Variants in CDH12 observed in about 807,000 individuals in gnomAD.
CDH12 encodes cadherin 12.
Under a neutral mutation model 74.1 loss-of-function variants are expected in CDH12, and 41 were observed. That is an observed-to-expected ratio of 0.55 (90% CI 0.43 to 0.72). The LOEUF (loss-of-function observed/expected upper bound fraction) is 0.72, where lower values mean the gene tolerates loss of function less well. Among genes scored for constraint, CDH12 ranks in the 30% least tolerant of loss-of-function variants. The pLI is 0.00. For missense variants in CDH12, 945 were observed against 977.2 expected, an observed-to-expected ratio of 0.97 and a Z score of 0.44; for synonymous variants, 399 against 355.0, an observed-to-expected ratio of 1.12 and a Z score of -1.39.
intron 3 of CDH12, among the ~76,000 whole-genome samples, chr5:22,362,641 T>G (rs2126308718): frequency 6.6e-6 from 1 of 152,102 alleles, no homozygotes; most frequent in East Asian, 1.9e-4. Context: ...CATATGTTTA[T>G]TGTGGCACTA....
chr5:22,596,934 A>G (rs1736633107), intron 1 of CDH12, among the ~76,000 whole-genome samples: 1 of 152,192 alleles, frequency 6.6e-6, no homozygotes, highest in Admixed American at 6.5e-5. Context: ...GAAATGGATG[A>G]AATATCCAGG....
chr5:22,100,735 A>G (rs889034737), intron 4 of CDH12, among the ~76,000 whole-genome samples: 17 of 151,816 alleles, frequency 1.1e-4, no homozygotes, highest in African/African-American at 4.1e-4. Context: ...TAATACATTT[A>G]GTTAAATTAT....
chr5:21,896,050 C>A (rs1753109481), intron 6 of CDH12, among the ~76,000 whole-genome samples: 1 of 152,130 alleles, frequency 6.6e-6, no homozygotes, highest in African/African-American at 2.4e-5. Flanking sequence ...AATTAAAGCC[C>A]TGAGAGAAGG....
chr5:22,614,800 A>G (rs936083250), intron 1 of CDH12, among the ~76,000 whole-genome samples: 10 of 152,068 alleles, frequency 6.6e-5, no homozygotes, highest in African/African-American at 2.2e-4. Flanking sequence ...ACTGAACCCT[A>G]TACATATGTA....
intron 1 of CDH12, among the ~76,000 whole-genome samples, chr5:22,813,209 T>C (rs1749231533): frequency 1.3e-5 from 2 of 152,116 alleles, no homozygotes; most frequent in Non-Finnish European, 2.9e-5. Flanking sequence ...ATCTGGGAGA[T>C]CTGGGACAAT....
At chr5:22,474,241 G>T (rs10039824) in intron 2 of CDH12, among the ~76,000 whole-genome samples, 62,115 of 151,914 alleles carry the variant, frequency 0.41, 13,202 homozygotes, top group Admixed American at 0.6. Flanking sequence ...AGAAATGAAT[G>T]ATGACTGCAG....
At chr5:22,206,159 C>A (rs1284466430) in intron 4 of CDH12, among the ~76,000 whole-genome samples, 3 of 152,050 alleles carry the variant, frequency 2.0e-5, no homozygotes, top group Admixed American at 6.6e-5. Context: ...ACTAGTCCAC[C>A]CATGGCAGCC....
At chr5:21,846,010 A>C (rs549163358) in intron 7 of CDH12, among the ~76,000 whole-genome samples, 10 of 152,250 alleles carry the variant, frequency 6.6e-5, no homozygotes, top group Non-Finnish European at 1.2e-4. Context: ...AGGCATGTTC[A>C]ACATGGAGGC....
At chr5:22,792,453 G>T (rs1421484137) in intron 1 of CDH12, among the ~76,000 whole-genome samples, 1 of 152,152 alleles carries the variant, frequency 6.6e-6, no homozygotes, top group Admixed American at 6.5e-5. Flanking sequence ...AGATAGGTTA[G>T]CAGAAAACAG....
In CDH12 at chr5:22,211,932, A is replaced by G. The variant is rs186194217; in HGVS notation, c.-187+566T>C. ...TATAAATTATATGAATGGTACAATAAGTCTTCTAGTTTCATTTTTCTTAAT... is the reference window on the plus strand; with the variant it reads ...TATAAATTATATGAATGGTACAATAGGTCTTCTAGTTTCATTTTTCTTAAT... On this transcript the variant is annotated intron_variant, in intron 4 of 14. Transcript: ENST00000382254. Among the ~76,000 whole-genome samples the G allele has an allele frequency of 4.2e-3, 642 of 152,256 alleles. 6 individuals are homozygous for G. The highest frequency in any genetic ancestry group is 0.014 in the African/African-American group (595 of 41,566).
intron 6 of CDH12, among the ~76,000 whole-genome samples, chr5:21,967,393 G>A (rs2039631836): frequency 1.3e-5 from 2 of 152,178 alleles, no homozygotes; most frequent in Admixed American, 1.3e-4. Flanking sequence ...TATCTTGCCA[G>A]TAGCTGGCAA....
At chr5:22,605,012 G>A (rs190886051) in intron 1 of CDH12, among the ~76,000 whole-genome samples, 246 of 152,250 alleles carry the variant, frequency 1.6e-3, no homozygotes, top group Middle Eastern at 6.8e-3. Flanking sequence ...TTAATTTTAT[G>A]TATCAACTTG....
chr5:21,832,296 G>C (rs73054958), intron 8 of CDH12, among the ~76,000 whole-genome samples: 1 of 151,976 alleles, frequency 6.6e-6, no homozygotes, highest in Non-Finnish European at 1.5e-5. Context: ...TCATGCTCTC[G>C]TTAGCAAATG....
At chr5:22,480,445 A>G (rs924322048) in intron 2 of CDH12, among the ~76,000 whole-genome samples, 14 of 151,792 alleles carry the variant, frequency 9.2e-5, no homozygotes, top group East Asian at 1.9e-4. Flanking sequence ...TGAGCCAGAC[A>G]TGGTGGTGCA....
intron 3 of CDH12, among the ~76,000 whole-genome samples, chr5:22,385,487 T>G (rs1741958476): frequency 6.6e-6 from 1 of 152,222 alleles, no homozygotes; most frequent in Non-Finnish European, 1.5e-5. Flanking sequence ...TTCTCTGCTT[T>G]TTTGAGATGT....
intron 1 of CDH12, among the ~76,000 whole-genome samples, chr5:22,699,559 A>G (rs1256915751): frequency 6.6e-6 from 1 of 152,196 alleles, no homozygotes; most frequent in Non-Finnish European, 1.5e-5. Context: ...TATGGAAGCA[A>G]TGGATGGCTC....
intron 1 of CDH12, among the ~76,000 whole-genome samples, chr5:22,826,484 G>T (rs1337378960): frequency 1.3e-5 from 2 of 152,176 alleles, no homozygotes; most frequent in Non-Finnish European, 2.9e-5. Context: ...AAGCGACTTT[G>T]GAACTGGGTA....
intron 9 of CDH12, among the ~76,000 whole-genome samples, chr5:21,804,439 G>A (rs1747312812): frequency 6.6e-6 from 1 of 152,020 alleles, no homozygotes; most frequent in African/African-American, 2.4e-5. Context: ...AGCCAAAAAT[G>A]AGAAACCACT....
intron 1 of CDH12, among the ~76,000 whole-genome samples, chr5:22,509,592 G>T (rs1350286494): frequency 2.0e-5 from 3 of 152,132 alleles, no homozygotes; most frequent in Non-Finnish European, 4.4e-5. Flanking sequence ...AATTACCAAC[G>T]TTGTTAATGA....
Sources: gnomAD v4.1 joint callset for allele counts (sites outside exome capture counted in the v4.1 genomes callset) on GRCh38, gnomAD v4.1.1 for gene constraint, MANE v1.5 for transcripts, NCBI Gene and HGNC (gene_info 2026-07-23, HGNC 2026-07-21) for gene names.